The following SATB1 variants were observed in gnomAD, a reference collection of about 807,000 sequenced individuals.
SATB1 encodes SATB homeobox 1, also known as DNA-binding protein SATB1.
In SATB1, 11 loss-of-function variants were observed where a neutral mutation model predicts 86.9. That is an observed-to-expected ratio of 0.13 (90% CI 0.08 to 0.21). The LOEUF (loss-of-function observed/expected upper bound fraction) is 0.21, where lower values mean the gene tolerates loss of function less well. Ranked by LOEUF, SATB1 falls within the 10% of genes least tolerant of loss-of-function variation. SATB1 has a pLI of 1.00. For synonymous variants in SATB1, 357 were observed against 357.2 expected (o/e 1.00, Z 0.01); for missense variants, 551 against 937.6 (o/e 0.59, Z 5.39).
At chr3:18,395,995 T>C (rs559389506) in intron 6 of SATB1, among the ~76,000 whole-genome samples, 14 of 152,224 alleles carry the variant, frequency 9.2e-5, no homozygotes, top group Non-Finnish European at 1.6e-4. Flanking sequence ...TTTCATTAAA[T>C]ATGCAGGTTT....
Position 18,415,124 on chromosome 3 carries a change from C to T in SATB1, c.626G>A (p.Cys209Tyr). 6.2e-7 allele frequency: 1 copy of T among 1,612,772 alleles called. No individual in the cohort carries two copies. The highest frequency in any genetic ancestry group is 8.5e-7 in the Non-Finnish European group (1 of 1,179,092). ...DMNQSSLAKE[C>Y]PLSQSMISSI... ...TATGCTAAGTACCTGTGAAAGGGGG[C>T]ACTCCTTGGCCAATGAACTCTGATT... The change falls in exon 5 of 11, where the codon TGC becomes TAC. Residue 209 changes from cysteine (C) to tyrosine (Y), a missense_variant. Around this residue, in one of 8 missense-constraint regions of SATB1, gnomAD observed 153 missense variants for 258.1 expected, o/e 0.59. Transcript: ENST00000338745.
intron 8 of SATB1, among the ~76,000 whole-genome samples, chr3:18,384,444 A>G (rs546758419): frequency 7.9e-6 from 1 of 126,776 alleles, no homozygotes; most frequent in Non-Finnish European, 1.6e-5. Context: ...ACAAAGTCAA[A>G]TATCTGGCTA....
chr3:18,413,676 G>A lies in SATB1; in HGVS notation c.639+1435C>T, dbSNP rs543536332. Among the ~76,000 whole-genome samples the A allele has an allele frequency of 9.9e-4, 150 of 152,066 alleles. 1 individual carries two copies. In the South Asian group the frequency reaches 0.015, roughly 15 times the overall value. Reference sequence around the variant, plus strand: ...AATTCATATCCTCTCTATTCCAAGGGTGAGAGAGGGAAGACAGGAGATTAG... The same window carrying A: ...AATTCATATCCTCTCTATTCCAAGGATGAGAGAGGGAAGACAGGAGATTAG... On this transcript the variant is annotated intron_variant, in intron 5 of 10. Coordinates refer to ENST00000338745, the MANE Select transcript of SATB1 (RefSeq NM_002971.6).
rs755084930 is a variant in SATB1, at chr3:18,349,245, G to A, written c.2217C>T (p.Thr739=). ...EESVQDKNTN[T]LFSVKLEEEL... is the part of the protein sequence containing the mutation. ...CTTCTTCTAGTTTCACTGAAAAAAG[G>A]GTGTTAGTATTTTTATCTTGGACAC... Residue 739 remains threonine (T), a synonymous_variant, in exon 11 of 11, where the codon ACC becomes ACT. Coordinates refer to ENST00000338745, the MANE Select transcript of SATB1 (RefSeq NM_002971.6). The surrounding 1 kb of genome is among the most constrained non-coding windows in gnomAD (Gnocchi z 5.5). The A allele has an allele frequency of 1.5e-5, 25 of 1,613,992 alleles. No individual in the cohort carries two copies. Among genetic ancestry groups the A allele is most frequent in the Middle Eastern group, 1.6e-4 (1 of 6,084 alleles).
upstream of SATB1, among the ~76,000 whole-genome samples, chr3:18,440,188 A>C (rs1699199697): frequency 6.6e-6 from 1 of 152,220 alleles, no homozygotes; most frequent in Non-Finnish European, 1.5e-5. Context: ...GAACATATTT[A>C]TCCTGAGGTT....
At chr3:18,370,181 G>C (rs1187213613) in intron 9 of SATB1, among the ~76,000 whole-genome samples, 1 of 152,256 alleles carries the variant, frequency 6.6e-6, no homozygotes, top group Non-Finnish European at 1.5e-5. Flanking sequence ...GTCTGCCAGA[G>C]AGGAGGAAAT....
chr3:18,406,661 A>C (rs144155432), intron 5 of SATB1, among the ~76,000 whole-genome samples: 1 of 152,064 alleles, frequency 6.6e-6, no homozygotes, highest in Non-Finnish European at 1.5e-5. Context: ...TGTGCTTACA[A>C]ATGTTTAGTA....
rs1027498654 is a variant in SATB1, at chr3:18,348,126, G to T, written c.*1044C>A. 1 of 152,592 alleles carries T rather than the reference G, an allele frequency of 6.6e-6. No individual in the cohort carries two copies. The highest frequency in any genetic ancestry group is 1.5e-5 in the Non-Finnish European group (1 of 68,012). The allele number at this position is 152,592 out of a possible 1,614,324, so 9.5% of individuals were successfully genotyped here. On this transcript the variant is annotated 3_prime_UTR_variant, in exon 11 of 11. Transcript: ENST00000338745. ...TATACAGAAATTTTATACAGATGTA[G>T]CTTTAAAATTGATTGTAAACCAAAG...
chr3:18,429,487 T>G (rs1698819664), upstream of SATB1, among the ~76,000 whole-genome samples: 1 of 152,226 alleles, frequency 6.6e-6, no homozygotes, highest in Non-Finnish European at 1.5e-5. The surrounding 1 kb of genome is among the most constrained non-coding windows in gnomAD (Gnocchi z 4.1). Context: ...AGTATTTGTA[T>G]GCACAGAGCT....
intron 9 of SATB1, among the ~76,000 whole-genome samples, chr3:18,356,306 T>C (rs1694633620): frequency 6.6e-6 from 1 of 151,766 alleles, no homozygotes; most frequent in Non-Finnish European, 1.5e-5. Context: ...GCAAATGTCT[T>C]GCTACCGTAA....
intron 7 of SATB1, among the ~76,000 whole-genome samples, chr3:18,387,100 T>G (rs1238198772): frequency 6.6e-6 from 1 of 152,234 alleles, no homozygotes; most frequent in Non-Finnish European, 1.5e-5. Context: ...TACTAAAGCA[T>G]CACCTAAGGT....
At position 18,375,607 on chromosome 3, in the gene SATB1, T is replaced by TTTG. The variant is rs950284813; in HGVS notation, c.1575+2560_1575+2562dup. Among the ~76,000 whole-genome samples, 10 of 152,316 alleles carry TTTG rather than the reference T, an allele frequency of 6.6e-5. No individual in the cohort carries two copies. In the East Asian group the frequency reaches 1.2e-3, roughly 18 times the overall value. On this transcript the variant is annotated intron_variant, in intron 9 of 10. Transcript: ENST00000338745. ...AGGTCAGTCTGATTTGAAGGGTTTT[T>TTTG]TTGTTGTTGTTGTTAGTTTTTCTGT... is the stretch of plus-strand genomic sequence containing the variant.
At chr3:18,418,203 C>G (rs1343922061) in intron 2 of SATB1, among the ~76,000 whole-genome samples, 1 of 152,182 alleles carries the variant, frequency 6.6e-6, no homozygotes, top group Non-Finnish European at 1.5e-5. Flanking sequence ...TCTATAAGCT[C>G]TGTCCTCTGG....
chr3:18,444,302 G>A lies in SATB1; in HGVS notation c.-25+1216C>T, dbSNP rs1005590660. ...GACCTGAAGGAGTTTGTTCAGCCAG[G>A]GTCTATTGGGCAGGTGTGGTGGTGT... On this transcript the variant is annotated intron_variant, in intron 1 of 3. Transcript: ENST00000415069. The surrounding 1 kb of genome is among the most constrained non-coding windows in gnomAD (Gnocchi z 5.1). 7.9e-5 allele frequency among the ~76,000 whole-genome samples: 12 copies of A among 152,010 alleles called. No homozygotes were observed. The highest frequency in any genetic ancestry group is 1.6e-4 in the Non-Finnish European group (11 of 68,002).
upstream of SATB1, among the ~76,000 whole-genome samples, chr3:18,442,363 T>C (rs140671944): frequency 8.7e-3 from 1,326 of 152,314 alleles, 16 homozygotes; most frequent in African/African-American, 0.031. Flanking sequence ...GCCTTGTATT[T>C]TATAGCTACT....
chr3:18,415,228 G>C lies in SATB1; in HGVS notation c.522C>G (p.Pro174=). 6.2e-7 allele frequency: 1 copy of C among 1,612,768 alleles called. No individual in the cohort carries two copies. The highest frequency in any genetic ancestry group is 8.5e-7 in the Non-Finnish European group (1 of 1,179,106). ...VTLKIQLHSC[P]KLEDLPPEQW... The stretch of plus-strand genomic sequence containing the variant: ...GTTCGGGAGGCAAGTCTTCTAGTTT[G>C]GGGCAACTATTTGAGACATAGATTA... The change falls in exon 5 of 11, where the codon CCC becomes CCG. Residue 174 remains proline, a synonymous_variant. Coordinates refer to ENST00000338745, the MANE Select transcript of SATB1 (RefSeq NM_002971.6).
At chr3:18,374,042 T>C (rs1695608013) in intron 9 of SATB1, among the ~76,000 whole-genome samples, 1 of 152,190 alleles carries the variant, frequency 6.6e-6, no homozygotes, top group African/African-American at 2.4e-5. Context: ...CAAGTGATGA[T>C]GCAGTGTGGT....
Position 18,415,234 on chromosome 3 carries a change from A to G in SATB1, c.516T>C (p.Ser172=), listed in dbSNP as rs1344538344. The stretch of plus-strand genomic sequence containing the variant: ...GAGGCAAGTCTTCTAGTTTGGGGCA[A>G]CTATTTGAGACATAGATTAGAAAGG... ...HVVTLKIQLH[S]CPKLEDLPPE... is the part of the protein sequence containing the mutation. Residue 172 remains serine (S), a splice_region_variant and synonymous_variant, in exon 5 of 11, where the codon AGT becomes AGC. Coordinates refer to ENST00000338745, the MANE Select transcript of SATB1 (RefSeq NM_002971.6). 1.9e-6 allele frequency: 3 copies of G among 1,612,456 alleles called. No individual in the cohort carries two copies. In the Admixed American group the frequency reaches 5.0e-5, roughly 27 times the overall value.
chr3:18,390,346 A>T (rs530513905), intron 7 of SATB1, among the ~76,000 whole-genome samples: 1 of 152,286 alleles, frequency 6.6e-6, no homozygotes, highest in Admixed American at 6.5e-5. Context: ...CTTCAAGGCT[A>T]CCTGCCTCTG....
Sources: allele counts gnomAD v4.1 joint callset (sites outside exome capture counted in the v4.1 genomes callset), GRCh38; gene constraint gnomAD v4.1.1; regional missense constraint gnomAD v4.1.1; non-coding constraint Gnocchi (gnomAD v3.1); transcripts MANE v1.5; gene names NCBI Gene and HGNC (gene_info 2026-07-23, HGNC 2026-07-21).